DNAH9: variants seen among roughly 807,000 people sequenced by gnomAD.
DNAH9 encodes the protein DNAH9 variant protein.
A neutral mutation model predicts 471.6 loss-of-function variants in DNAH9; 345 were observed. That is an observed-to-expected ratio of 0.73 (90% CI 0.67 to 0.80). The LOEUF is 0.80. Among genes scored for constraint, DNAH9 ranks in the 30% least tolerant of loss-of-function variants. The pLI, the probability that DNAH9 is intolerant of heterozygous loss-of-function variation, is 0.00. For missense variants in DNAH9, 5,407 were observed against 5,609.2 expected, an observed-to-expected ratio of 0.96 and a Z score of 1.15; for synonymous variants, 2,093 against 2,123.6, an observed-to-expected ratio of 0.99 and a Z score of 0.40.
intron 12 of DNAH9, among the ~76,000 whole-genome samples, chr17:11,649,750 T>C (rs541812441): frequency 5.3e-4 from 81 of 152,348 alleles, no homozygotes; most frequent in African/African-American, 1.9e-3. Flanking sequence ...ATTTGATTAC[T>C]AGTAAATGTG....
At chr17:11,605,674 A>ATTTTTTT (rs59748847) in intron 1 of DNAH9, among the ~76,000 whole-genome samples, 14 of 145,000 alleles carry the variant, frequency 9.7e-5, no homozygotes, top group Non-Finnish European at 7.5e-5. Flanking sequence ...CAATTTTTCT[A>ATTTTTTT]TTTTTTTTTT....
chr17:11,784,729 G>A (rs892010424), intron 41 of DNAH9, among the ~76,000 whole-genome samples, 190 bp downstream of exon 41: 2 of 152,104 alleles, frequency 1.3e-5, no homozygotes, highest in African/African-American at 4.8e-5. Context: ...ATAAAATAGA[G>A]TTTCCTTTGC....
At position 11,616,520 on chromosome 17, in the gene DNAH9, C is replaced by T. The variant is rs149599407; in HGVS notation, c.905-891C>T. On this transcript the variant is annotated intron_variant, in intron 4 of 68. Transcript: ENST00000262442. ...ACGCAGATATTAGCATCCAGTGCTGCTGGATTTCCTAGTTTCCCGTGTCAG... is the reference window on the plus strand; with the variant it reads ...ACGCAGATATTAGCATCCAGTGCTGTTGGATTTCCTAGTTTCCCGTGTCAG... Among the ~76,000 whole-genome samples, 531 of 152,284 alleles carry T rather than the reference C, an allele frequency of 3.5e-3. 5 individuals are homozygous for T. The highest frequency in any genetic ancestry group is 0.031 in the East Asian group (161 of 5,178).
At position 11,881,312 on chromosome 17, in the gene DNAH9, C is replaced by A. The variant is rs1337703947; in HGVS notation, c.10705C>A (p.Gln3569Lys). ...TCACTACCAGCCTGAGCTGCAGGCT[C>A]AGGCCACCCTGATCAACTTCACCGT... is the stretch of plus-strand genomic sequence containing the variant. ...NPHYQPELQA[Q>K]ATLINFTVTR... The change falls in exon 55 of 69, where the codon CAG (glutamine) becomes AAG (lysine). Residue 3569 changes from glutamine (Q) to lysine (K), a missense_variant. Around this residue, in one of 3 missense-constraint regions of DNAH9, gnomAD observed 4,636 missense variants for 4,900.3 expected, o/e 0.95. Coordinates refer to ENST00000262442, the MANE Select transcript of DNAH9 (RefSeq NM_001372.4). The A allele has an allele frequency of 1.2e-6, 2 of 1,614,012 alleles. No homozygotes were observed. Among genetic ancestry groups the A allele is most frequent in the African/African-American group, 2.7e-5 (2 of 74,920 alleles).
chr17:11,805,523 C>CTTTTTTTT lies in DNAH9; in HGVS notation c.8421-2174_8421-2167dup, dbSNP rs773842478. Among the ~76,000 whole-genome samples, 130 of 52,084 alleles carry CTTTTTTTT rather than the reference C, an allele frequency of 2.5e-3. 24 individuals carry two copies. Among genetic ancestry groups the CTTTTTTTT allele is most frequent in the East Asian group, 7.2e-3 (7 of 972 alleles). 34.2% of individuals were successfully genotyped at this position (52,084 alleles called of 152,430 possible). A position where few individuals can be genotyped will look rare whatever the true frequency, so the allele number is the denominator to read the frequency against. ...TATTTGGCCAAACTTTACCCGAGTT[C>CTTTTTTTT]TTTTTTTTTTTTTTTTTTTTTTTTT... On this transcript the variant is annotated intron_variant, in intron 43 of 68. Coordinates refer to ENST00000262442, the MANE Select transcript of DNAH9 (RefSeq NM_001372.4).
At chr17:11,741,053 G>A (rs147399785) in intron 29 of DNAH9, among the ~76,000 whole-genome samples, 1,676 of 152,166 alleles carry the variant, frequency 0.011, 14 homozygotes, top group Middle Eastern at 0.034. Flanking sequence ...TTGTACAAAT[G>A]TATATTTACC....
At chr17:11,861,733 G>A (rs1199202052) in intron 50 of DNAH9, among the ~76,000 whole-genome samples, 2 of 152,160 alleles carry the variant, frequency 1.3e-5, no homozygotes, top group African/African-American at 4.8e-5. Context: ...GGTGTGAGAT[G>A]ATATCTCATT....
intron 67 of DNAH9, among the ~76,000 whole-genome samples, chr17:11,950,043 A>C (rs1975307114): frequency 6.6e-6 from 1 of 152,232 alleles, no homozygotes; most frequent in Admixed American, 6.5e-5. Context: ...TTAAAAATTA[A>C]GTATTGCATA....
intron 1 of DNAH9, among the ~76,000 whole-genome samples, chr17:11,603,272 A>G (rs562547155): frequency 2.0e-5 from 3 of 152,100 alleles, no homozygotes; most frequent in African/African-American, 4.8e-5. Context: ...GCTCTTTTAG[A>G]TCACTATTTC....
chr17:11,967,733 G>A (rs761571774), intron 68 of DNAH9, among the ~76,000 whole-genome samples: 15 of 152,076 alleles, frequency 9.9e-5, no homozygotes, highest in Non-Finnish European at 2.2e-4. Context: ...GATACCAATA[G>A]GTTAAAAGAA....
At chr17:11,896,183 C>G (rs559314236) in intron 59 of DNAH9, among the ~76,000 whole-genome samples, 3 of 152,300 alleles carry the variant, frequency 2.0e-5, no homozygotes, top group Admixed American at 6.5e-5. Context: ...GTAACTCCAT[C>G]TTAACTTGAT....
At chr17:11,931,136 A>G (rs1284317029) in intron 63 of DNAH9, among the ~76,000 whole-genome samples, 1 of 152,222 alleles carries the variant, frequency 6.6e-6, no homozygotes, top group Admixed American at 6.5e-5. Flanking sequence ...GAGAGTACCC[A>G]AAGGCCTGAA....
intron 30 of DNAH9, among the ~76,000 whole-genome samples, chr17:11,742,768 A>T (rs2075451076): frequency 6.6e-6 from 1 of 152,194 alleles, no homozygotes; most frequent in South Asian, 2.1e-4. Flanking sequence ...TTAGCAAAAC[A>T]TTACCTGCAA....
intron 11 of DNAH9, among the ~76,000 whole-genome samples, chr17:11,644,992 A>G (rs112953152): frequency 6.6e-6 from 1 of 152,252 alleles, no homozygotes; most frequent in African/African-American, 2.4e-5. Context: ...ATGTCACGGA[A>G]AATTGCAACA....
chr17:11,963,004 A>G (rs1976359111), intron 68 of DNAH9, among the ~76,000 whole-genome samples: 1 of 152,188 alleles, frequency 6.6e-6, no homozygotes, highest in Non-Finnish European at 1.5e-5. Context: ...TTGGTTAAGT[A>G]GTGCCCCCAA....
In DNAH9 at chr17:11,784,487, G is replaced by A; in HGVS notation, c.8009G>A (p.Gly2670Glu). 2 of 1,614,044 alleles carry A rather than the reference G, an allele frequency of 1.2e-6. No homozygotes were observed. Among genetic ancestry groups the A allele is most frequent in the Non-Finnish European group, 1.7e-6 (2 of 1,180,020 alleles). The stretch of plus-strand genomic sequence containing the variant: ...ATTGCTACCACCTTCCTACCCACAG[G>A]AATCAAATTCCACTACATCTTCAAC... ...QKIATTFLPTGIKFHYIFNLR... is the reference protein window; with the variant it reads ...QKIATTFLPTEIKFHYIFNLR... The change falls in exon 41 of 69, where the codon GGA (glycine) becomes GAA (glutamate). Residue 2670 changes from glycine (G) to glutamate (E), a missense_variant. By Grantham distance (98) the Gly-to-Glu change is moderately conservative. Transcript: ENST00000262442.
intron 20 of DNAH9, 148 bp from the exon 21 acceptor site, chr17:11,693,720 G>A: frequency 1.1e-6 from 1 of 878,348 alleles, no homozygotes; most frequent in Non-Finnish European, 1.8e-6. Context: ...GCTGAATGCA[G>A]CTTAAACTAA....
chr17:11,759,616 G>A (rs1967573747), intron 35 of DNAH9, among the ~76,000 whole-genome samples: 2 of 140,138 alleles, frequency 1.4e-5, no homozygotes, highest in Admixed American at 1.7e-4. Flanking sequence ...TCCACCTCCT[G>A]GGTTCAAGTG....
In DNAH9 at chr17:11,617,498, T is replaced by G. The variant is rs2072770551; in HGVS notation, c.992T>G (p.Val331Gly). 1 of 1,614,056 alleles carries G rather than the reference T, an allele frequency of 6.2e-7. No individual in the cohort carries two copies. The highest frequency in any genetic ancestry group is 2.2e-5 in the East Asian group (1 of 44,862). The change falls in exon 5 of 69, where the codon GTG becomes GGG. Residue 331 changes from valine to glycine, a missense_variant. Coordinates refer to ENST00000262442, the MANE Select transcript of DNAH9 (RefSeq NM_001372.4). ...CTGGAGAATGCAGAATTTCCGGAGG[T>G]GAAGCCCCAGCTGCGGCCCCTGCTC... ...EALENAEFPE[V>G]KPQLRPLLHV...
Sources: gnomAD v4.1 joint callset for allele counts (sites outside exome capture counted in the v4.1 genomes callset) on GRCh38, gnomAD v4.1.1 for gene constraint, gnomAD v4.1.1 regional missense constraint, MANE v1.5 for transcripts, NCBI Gene and HGNC (gene_info 2026-07-23, HGNC 2026-07-21) for gene names.